PCDHGA3: variants seen among roughly 807,000 people sequenced by gnomAD.
The protein encoded by PCDHGA3 is protocadherin gamma subfamily A, 3.
In PCDHGA3, 40 loss-of-function variants were observed where a neutral mutation model predicts 58.5. The observed-to-expected ratio is 0.68, with a 90% CI of 0.53 to 0.89. The LOEUF (loss-of-function observed/expected upper bound fraction) is 0.89. Among genes scored for constraint, PCDHGA3 ranks in the 40% least tolerant of loss-of-function variants. PCDHGA3 has a pLI of 0.00. For synonymous variants in PCDHGA3, 530 were observed against 525.7 expected, an observed-to-expected ratio of 1.01 and a Z score of -0.11; for missense variants, 1,223 against 1,195.9, an observed-to-expected ratio of 1.02 and a Z score of -0.33.
intron 1 of PCDHGA3, among the ~76,000 whole-genome samples, chr5:141,363,275 A>G (rs987748998): frequency 6.6e-6 from 1 of 152,224 alleles, no homozygotes; most frequent in African/African-American, 2.4e-5. Flanking sequence ...TTGCTTTTGA[A>G]TTTCCTAATT....
rs777761385 is a variant in PCDHGA3 at position 141,489,558 on chromosome 5, G to T, written c.2425-5249G>T. 1.1e-5 allele frequency: 17 copies of T among 1,614,130 alleles called. No homozygotes were observed. In the South Asian group the frequency reaches 1.8e-4, roughly 17 times the overall value. On this transcript the variant is annotated intron_variant, in intron 1 of 3. Coordinates refer to ENST00000253812, the MANE Select transcript of PCDHGA3 (RefSeq NM_018916.4). The surrounding 1 kb of genome is among the most constrained non-coding windows in gnomAD (Gnocchi z 4.5). Reference sequence around the variant, plus strand: ...CCAGCACCAGCTGCCTGCTGCCAGTGCAGGTGGTGACTGAACACCCCCTGG... The same window carrying T: ...CCAGCACCAGCTGCCTGCTGCCAGTTCAGGTGGTGACTGAACACCCCCTGG...
rs780029376 is a variant in PCDHGA3 at position 141,375,319 on chromosome 5, G to A, written c.2424+28862G>A. On this transcript the variant is annotated intron_variant, in intron 1 of 3. Coordinates refer to ENST00000253812, the MANE Select transcript of PCDHGA3 (RefSeq NM_018916.4). ...TAGTGACAAATGCAGCTCTAGACCG[G>A]GAAGAGGTATTCTTGTACAACATCA... The A allele has an allele frequency of 9.3e-6, 15 of 1,613,770 alleles. No homozygotes were observed. The South Asian group carries it at 1.5e-4, about 17-fold the overall frequency.
At chr5:141,467,571 A>G (rs1228156610) in intron 1 of PCDHGA3, among the ~76,000 whole-genome samples, 1 of 152,212 alleles carries the variant, frequency 6.6e-6, no homozygotes, top group South Asian at 2.1e-4. Flanking sequence ...ATGGCTATCC[A>G]GTTGTCCCAA....
chr5:141,366,763 C>T (rs1764787065), intron 1 of PCDHGA3: 3 of 1,604,810 alleles, frequency 1.9e-6, no homozygotes, highest in Non-Finnish European at 2.6e-6. Context: ...TTAGTTTTCT[C>T]TTTCGGTAAG....
chr5:141,388,160 G>A (rs766854792), intron 1 of PCDHGA3: 9 of 1,474,272 alleles, frequency 6.1e-6, no homozygotes, highest in Non-Finnish European at 8.4e-6. Context: ...GGCTAGACAG[G>A]GAGGAGATAT....
At chr5:141,393,989 T>G in intron 1 of PCDHGA3, 1 of 1,613,634 alleles carries the variant, frequency 6.2e-7, no homozygotes, top group Non-Finnish European at 8.5e-7. Flanking sequence ...ATTTACCTTT[T>G]AAATTAGAAA....
chr5:141,469,128 T>C (rs567164869), intron 1 of PCDHGA3, among the ~76,000 whole-genome samples: 1 of 151,692 alleles, frequency 6.6e-6, no homozygotes, highest in East Asian at 1.9e-4. Context: ...ATTTAAAAAT[T>C]AGCCAGAAAT....
intron 1 of PCDHGA3, chr5:141,414,399 GGTGATAC>G (rs1297009673): frequency 6.2e-7 from 1 of 1,613,846 alleles, no homozygotes; most frequent in South Asian, 1.1e-5. Flanking sequence ...ATTACAGATT[GGTGATAC>G]ACAGAGCCCT....
chr5:141,435,591 T>G (rs1197622032), intron 1 of PCDHGA3, among the ~76,000 whole-genome samples: 1 of 152,206 alleles, frequency 6.6e-6, no homozygotes, highest in Admixed American at 6.5e-5. Flanking sequence ...TGCAGTAATA[T>G]CGCCTGCTTT....
chr5:141,465,313 T>C (rs113508011), intron 1 of PCDHGA3, among the ~76,000 whole-genome samples: 5 of 152,312 alleles, frequency 3.3e-5, no homozygotes, highest in Admixed American at 6.5e-5. Context: ...AATTTAGCCA[T>C]GTCAATGCAG....
chr5:141,356,771 A>G (rs900722489), intron 1 of PCDHGA3: 2 of 1,613,906 alleles, frequency 1.2e-6, no homozygotes, highest in African/African-American at 1.3e-5. Context: ...GACTATGAGC[A>G]GTTTAGAGAC....
chr5:141,478,711 T>A, intron 1 of PCDHGA3: 1 of 1,547,346 alleles, frequency 6.5e-7, no homozygotes, highest in Non-Finnish European at 8.7e-7. Flanking sequence ...CTTTGTGAGA[T>A]GGTGGCCTGC....
At chr5:141,382,958 TG>T in intron 1 of PCDHGA3, 1 of 1,606,924 alleles carries the variant, frequency 6.2e-7, no homozygotes, top group Middle Eastern at 1.7e-4. Flanking sequence ...TCCATCCTCC[TG>T]GGGACCCCCT....
chr5:141,410,528 A>G (rs1464482105), intron 1 of PCDHGA3: 3 of 1,613,852 alleles, frequency 1.9e-6, no homozygotes, highest in Non-Finnish European at 2.5e-6. Flanking sequence ...CCTACATTCC[A>G]ATGAAGACAT....
intron 1 of PCDHGA3, chr5:141,384,902 T>A: frequency 3.1e-6 from 5 of 1,613,898 alleles, no homozygotes; most frequent in Non-Finnish European, 4.2e-6. Flanking sequence ...GCTGACAGCA[T>A]CCCCGAAGTC....
In PCDHGA3 at chr5:141,485,910, G is replaced by C. The variant is rs142273728; in HGVS notation, c.2425-8897G>C. On this transcript the variant is annotated intron_variant, in intron 1 of 3. Transcript: ENST00000253812. The surrounding 1 kb of genome is among the most constrained non-coding windows in gnomAD (Gnocchi z 5.7). ...AACGCCCCAGCCTTCCAGCAATCCAGCTACAGGATTAGTGTGTTGGAGAGC... is the reference window on the plus strand; with the variant it reads ...AACGCCCCAGCCTTCCAGCAATCCACCTACAGGATTAGTGTGTTGGAGAGC... The C allele has an allele frequency of 1.2e-6, 2 of 1,614,078 alleles. No homozygotes were observed. Among genetic ancestry groups the C allele is most frequent in the African/African-American group, 2.7e-5 (2 of 74,932 alleles).
intron 1 of PCDHGA3, among the ~76,000 whole-genome samples, chr5:141,425,919 G>A (rs11167745): frequency 2.0e-5 from 3 of 152,174 alleles, no homozygotes; most frequent in East Asian, 1.9e-4. Flanking sequence ...CAGTCACTAC[G>A]AAAACTCATA....
At chr5:141,374,495 T>C in intron 1 of PCDHGA3, 2 of 1,611,502 alleles carry the variant, frequency 1.2e-6, no homozygotes, top group Non-Finnish European at 8.5e-7. Context: ...AAAGGAAGAA[T>C]TGGAAGTGAA....
intron 1 of PCDHGA3, among the ~76,000 whole-genome samples, chr5:141,437,629 G>A (rs538730617): frequency 6.6e-6 from 1 of 152,284 alleles, no homozygotes; most frequent in Non-Finnish European, 1.5e-5. Flanking sequence ...CATATAAGAT[G>A]TCAGGTTCAG....
Sources: allele counts gnomAD v4.1 joint callset (sites outside exome capture counted in the v4.1 genomes callset), GRCh38; gene constraint gnomAD v4.1.1; non-coding constraint Gnocchi (gnomAD v3.1); transcripts MANE v1.5; gene names NCBI Gene and HGNC (gene_info 2026-07-23, HGNC 2026-07-21).